Variants in EPHB1 observed in about 807,000 individuals in gnomAD.
The protein encoded by EPHB1 is EPH receptor B1.
Under a neutral mutation model 94.4 loss-of-function variants are expected in EPHB1, and 30 were observed. The observed-to-expected ratio is 0.32, with a 90% CI of 0.24 to 0.43. EPHB1 has a LOEUF of 0.43. EPHB1 is among the 20% of genes least tolerant of loss of function. EPHB1 has a pLI of 1.00. For synonymous variants in EPHB1, 522 were observed against 489.1 expected (o/e 1.07, Z -0.89); for missense variants, 1,055 against 1,308.3 (o/e 0.81, Z 2.99).
chr3:135,129,646 G>A (rs1053338823), intron 4 of EPHB1, among the ~76,000 whole-genome samples: 1 of 152,198 alleles, frequency 6.6e-6, no homozygotes, highest in African/African-American at 2.4e-5. Context: ...TGGTGAGGAT[G>A]ACAAAGAGGA....
chr3:134,899,943 C>A (rs2038167608), intron 1 of EPHB1, among the ~76,000 whole-genome samples: 1 of 152,092 alleles, frequency 6.6e-6, no homozygotes. Context: ...ACTGATGGAC[C>A]CAGAGATTTG....
At chr3:134,872,051 G>T (rs564723090) in intron 1 of EPHB1, among the ~76,000 whole-genome samples, 88 of 152,246 alleles carry the variant, frequency 5.8e-4, no homozygotes, top group Non-Finnish European at 1.2e-4. Context: ...CCCTGTAGAG[G>T]GGATACTTTT....
chr3:134,983,029 C>G (rs909580166), intron 3 of EPHB1, among the ~76,000 whole-genome samples: 6 of 152,236 alleles, frequency 3.9e-5, no homozygotes, highest in Non-Finnish European at 7.3e-5. Flanking sequence ...CTGTTCTTAT[C>G]TGGTGCCGGA....
chr3:135,014,135 G>A (rs1935713905), intron 3 of EPHB1, among the ~76,000 whole-genome samples: 1 of 152,176 alleles, frequency 6.6e-6, no homozygotes, highest in African/African-American at 2.4e-5. Context: ...GAGCTAGGAT[G>A]TGGGCACCTG....
intron 1 of EPHB1, among the ~76,000 whole-genome samples, chr3:134,918,152 C>T (rs928471437): frequency 5.3e-5 from 8 of 152,278 alleles, no homozygotes; most frequent in Non-Finnish European, 1.0e-4. Context: ...AAAGTGATAA[C>T]GAAAACCAAC....
intron 1 of EPHB1, among the ~76,000 whole-genome samples, chr3:134,907,723 C>T (rs1352378766): frequency 6.9e-6 from 1 of 144,890 alleles, no homozygotes; most frequent in Non-Finnish European, 1.5e-5. Context: ...AGAGAATAGA[C>T]ATCTTATAAG....
intron 3 of EPHB1, among the ~76,000 whole-genome samples, chr3:135,099,451 C>T (rs1279014960): frequency 6.6e-6 from 1 of 152,164 alleles, no homozygotes; most frequent in African/African-American, 2.4e-5. Context: ...GAAATGGGAG[C>T]TCCCATAAGG....
At chr3:135,211,286 A>G (rs1576471908) in intron 12 of EPHB1, among the ~76,000 whole-genome samples, 1 of 152,200 alleles carries the variant, frequency 6.6e-6, no homozygotes, top group African/African-American at 2.4e-5. Context: ...TATAGTCCCA[A>G]AGACAATGTT....
intron 3 of EPHB1, among the ~76,000 whole-genome samples, chr3:135,090,574 G>A (rs1366666925): frequency 6.6e-6 from 1 of 152,200 alleles, no homozygotes. Context: ...AGCTCTGACT[G>A]AACAAACCCC....
chr3:135,179,120 A>G (rs950450214), intron 9 of EPHB1, among the ~76,000 whole-genome samples: 2 of 152,048 alleles, frequency 1.3e-5, no homozygotes, highest in Non-Finnish European at 2.9e-5. Context: ...GCCACCGTAT[A>G]TATCAGTGAC....
intron 3 of EPHB1, among the ~76,000 whole-genome samples, chr3:135,088,050 C>A (rs947416594): frequency 6.6e-6 from 1 of 151,890 alleles, no homozygotes; most frequent in Non-Finnish European, 1.5e-5. Flanking sequence ...ATTTTTTTTT[C>A]TCTTCCTTTA....
At chr3:134,888,847 C>T (rs2037910100) in intron 1 of EPHB1, among the ~76,000 whole-genome samples, 2 of 152,156 alleles carry the variant, frequency 1.3e-5, no homozygotes, top group Non-Finnish European at 1.5e-5. Flanking sequence ...AATGGAGGCT[C>T]AGCCATGGGC....
chr3:135,221,693 C>T (rs1192866659), intron 12 of EPHB1, among the ~76,000 whole-genome samples: 4 of 152,186 alleles, frequency 2.6e-5, no homozygotes, highest in Admixed American at 2.6e-4. Flanking sequence ...CTATACCTCT[C>T]TGAGGCTTCA....
intron 1 of EPHB1, among the ~76,000 whole-genome samples, chr3:134,839,324 T>C (rs1578127600): frequency 6.6e-6 from 1 of 152,290 alleles, no homozygotes; most frequent in Non-Finnish European, 1.5e-5. Context: ...CTTATTTCCA[T>C]GTAGTTGTTA....
intron 11 of EPHB1, among the ~76,000 whole-genome samples, chr3:135,198,972 T>G (rs1042745107): frequency 1.3e-5 from 2 of 152,206 alleles, no homozygotes; most frequent in Admixed American, 6.5e-5. Context: ...CTTGGTCTTT[T>G]TTGACCCCAG....
At chr3:135,240,931 A>G (rs1011243056) in intron 12 of EPHB1, among the ~76,000 whole-genome samples, 1 of 152,206 alleles carries the variant, frequency 6.6e-6, no homozygotes, top group East Asian at 1.9e-4. Flanking sequence ...GCATATCCAC[A>G]TGAGGCTAGA....
At chr3:134,832,959 C>A (rs1424841118) in intron 1 of EPHB1, among the ~76,000 whole-genome samples, 2 of 152,212 alleles carry the variant, frequency 1.3e-5, no homozygotes, top group Non-Finnish European at 2.9e-5. Flanking sequence ...TTGGTTAGGT[C>A]TTAGCAATGA....
intron 12 of EPHB1, among the ~76,000 whole-genome samples, chr3:135,231,289 T>C (rs937373514): frequency 1.3e-5 from 2 of 152,182 alleles, no homozygotes; most frequent in African/African-American, 4.8e-5. Context: ...CATCAGAGGC[T>C]GTTTTGGGTG....
At chr3:134,847,167 A>C (rs1402965558) in intron 1 of EPHB1, among the ~76,000 whole-genome samples, 1 of 150,716 alleles carries the variant, frequency 6.6e-6, no homozygotes, top group Non-Finnish European at 1.5e-5. Context: ...AAACACACAC[A>C]CATCATGGAA....
Sources: allele counts gnomAD v4.1 joint callset (sites outside exome capture counted in the v4.1 genomes callset), GRCh38; gene constraint gnomAD v4.1.1; transcripts MANE v1.5; gene names NCBI Gene and HGNC (gene_info 2026-07-23, HGNC 2026-07-21).